Variants in AUTS2 observed in about 807,000 individuals in gnomAD.
The protein encoded by AUTS2 is autism susceptibility gene 2 protein.
In AUTS2, 17 loss-of-function variants were observed where a neutral mutation model predicts 112.4. That is an observed-to-expected ratio of 0.15 (90% CI 0.10 to 0.23). The LOEUF (loss-of-function observed/expected upper bound fraction) is 0.23, where lower values mean the gene tolerates loss of function less well. Among genes scored for constraint, AUTS2 ranks in the 10% least tolerant of loss-of-function variants. The pLI is 1.00. For synonymous variants in AUTS2, 751 were observed against 702.7 expected (o/e 1.07, Z -1.09); for missense variants, 1,510 against 1,701.6 (o/e 0.89, Z 1.98).
chr7:70,094,693 C>T (rs575166673), intron 2 of AUTS2, among the ~76,000 whole-genome samples: 210 of 151,970 alleles, frequency 1.4e-3, no homozygotes, highest in Non-Finnish European at 2.4e-3. Context: ...ATGGCAGTAC[C>T]CCATCCTCAG....
At chr7:70,226,164 T>C (rs1034754514) in intron 4 of AUTS2, among the ~76,000 whole-genome samples, 5 of 152,082 alleles carry the variant, frequency 3.3e-5, no homozygotes, top group African/African-American at 1.2e-4. Context: ...AACGGGGAAC[T>C]GAATCTTGTA....
At chr7:70,218,887 A>G (rs1203014629) in intron 4 of AUTS2, among the ~76,000 whole-genome samples, 1 of 152,166 alleles carries the variant, frequency 6.6e-6, no homozygotes, top group African/African-American at 2.4e-5. Flanking sequence ...GTAATTCATC[A>G]CTATCATATG....
intron 1 of AUTS2, chr7:69,825,884 G>A (rs1791219258): frequency 6.6e-6 from 1 of 152,188 alleles, no homozygotes. Context: ...AGGTAAAGAA[G>A]CAATTAACGT....
At chr7:70,247,720 C>T (rs1054876706) in intron 4 of AUTS2, among the ~76,000 whole-genome samples, 1 of 152,052 alleles carries the variant, frequency 6.6e-6, no homozygotes, top group African/African-American at 2.4e-5. Flanking sequence ...TCATCTTTTC[C>T]AATCTTCATA....
intron 5 of AUTS2, among the ~76,000 whole-genome samples, chr7:70,685,264 G>T (rs1219873886): frequency 6.6e-6 from 1 of 151,930 alleles, no homozygotes. Flanking sequence ...CTTGAGGTCG[G>T]GAGTTCGAGA....
At chr7:70,661,818 C>T (rs781766762) in intron 5 of AUTS2, among the ~76,000 whole-genome samples, 41 of 152,160 alleles carry the variant, frequency 2.7e-4, no homozygotes, top group Non-Finnish European at 4.1e-4. Context: ...CCAGCACTGA[C>T]CTCAGGTTTA....
At chr7:69,936,549 C>T (rs1004727607) in intron 2 of AUTS2, among the ~76,000 whole-genome samples, 5 of 152,130 alleles carry the variant, frequency 3.3e-5, no homozygotes, top group Admixed American at 6.5e-5. Context: ...TGGGGTTTCA[C>T]CCTGTTAGCC....
chr7:70,664,958 A>G (rs1197606913), intron 5 of AUTS2, among the ~76,000 whole-genome samples: 14 of 152,262 alleles, frequency 9.2e-5, no homozygotes, highest in Non-Finnish European at 1.5e-5. Context: ...CTGTAGTCCT[A>G]GCTACTCAGG....
intron 5 of AUTS2, among the ~76,000 whole-genome samples, chr7:70,514,353 C>A (rs115493661): frequency 6.6e-6 from 1 of 152,174 alleles, no homozygotes; most frequent in Non-Finnish European, 1.5e-5. Context: ...GAGGTTTATT[C>A]GGCTTATGGT....
chr7:69,977,103 C>A (rs746203223), intron 2 of AUTS2, among the ~76,000 whole-genome samples: 7 of 152,038 alleles, frequency 4.6e-5, no homozygotes, highest in Non-Finnish European at 7.4e-5. Flanking sequence ...GGTCTTTATC[C>A]ATGTTGAGTT....
chr7:69,916,859 C>T lies in AUTS2; in HGVS notation c.522+17361C>T, dbSNP rs542857165. On this transcript the variant is annotated intron_variant, in intron 2 of 18. Coordinates refer to ENST00000342771, the MANE Select transcript of AUTS2 (RefSeq NM_015570.4). ...CTCATCTGACTTCTCAGCCTCTAATCTTGCCACTGTTAAATTCTGCTCCTC... is the reference window on the plus strand; with the variant it reads ...CTCATCTGACTTCTCAGCCTCTAATTTTGCCACTGTTAAATTCTGCTCCTC... Among the ~76,000 whole-genome samples, 16 of 152,320 alleles carry T rather than the reference C, an allele frequency of 1.1e-4. No individual in the cohort carries two copies. In the South Asian group the frequency reaches 3.3e-3, roughly 32 times the overall value.
At chr7:69,635,347 A>G (rs77641682) in intron 1 of AUTS2, among the ~76,000 whole-genome samples, 184 of 152,344 alleles carry the variant, frequency 1.2e-3, no homozygotes, top group African/African-American at 4.2e-3. Context: ...ACAAAACAAA[A>G]AGCACCTGCC....
At chr7:70,337,302 A>G (rs1235856906) in intron 4 of AUTS2, among the ~76,000 whole-genome samples, 2 of 152,254 alleles carry the variant, frequency 1.3e-5, no homozygotes, top group South Asian at 2.1e-4. Flanking sequence ...AAAATACCAA[A>G]TGATAAAGAG....
intron 4 of AUTS2, among the ~76,000 whole-genome samples, chr7:70,401,966 C>T (rs1794344555): frequency 1.3e-5 from 2 of 152,240 alleles, no homozygotes; most frequent in Admixed American, 1.3e-4. Flanking sequence ...TACACTATTC[C>T]CCCCAGGTTT....
chr7:70,183,749 A>G (rs943246017), intron 4 of AUTS2, among the ~76,000 whole-genome samples: 2 of 152,130 alleles, frequency 1.3e-5, no homozygotes, highest in Non-Finnish European at 2.9e-5. Context: ...TTCACTCTAA[A>G]TAGCCCCCTG....
chr7:70,790,970 A>G lies in AUTS2; in HGVS notation c.3754A>G (p.Thr1252Ala), dbSNP rs138087196. The G allele has an allele frequency of 4.2e-4, 628 of 1,503,840 alleles. 2 individuals carry two copies. In the Middle Eastern group the frequency reaches 7.8e-3, roughly 19 times the overall value. 93.2% of individuals were successfully genotyped at this position (1,503,840 alleles called of 1,614,324 possible). ...GATAAGGGAGAGGCCCCCTTCCCAC[A>G]CGCTGAAGGATATCGAGGCCCGATA... ...AEIRERPPSHTLKDIEAR is the reference protein window; with the variant it reads ...AEIRERPPSHALKDIEAR The change falls in exon 19 of 19, where the codon ACG becomes GCG. Residue 1252 changes from threonine (T) to alanine (A), a missense_variant. Thr to Ala is a moderately conservative substitution (Grantham distance 58). Transcript: ENST00000342771. This position sits in a 1 kb window ranked among gnomAD's most constrained non-coding sequence, Gnocchi z 7.6.
At chr7:70,143,863 T>G (rs780360670) in intron 4 of AUTS2, among the ~76,000 whole-genome samples, 3 of 152,150 alleles carry the variant, frequency 2.0e-5, no homozygotes, top group Non-Finnish European at 4.4e-5. Flanking sequence ...GGCCTCTGAT[T>G]TTAAGGAGCT....
rs187965317 is a variant in AUTS2 at position 70,454,364 on chromosome 7, G to A, written c.690+18583G>A. Among the ~76,000 whole-genome samples the A allele has an allele frequency of 1.4e-3, 220 of 152,062 alleles. 1 individual carries two copies. The highest frequency in any genetic ancestry group is 4.5e-3 in the African/African-American group (188 of 41,482). ...AGCCTGGCCAACATGGTGAAACCCC[G>A]TCTCTACTAAAAATACAAAAAAATT... On this transcript the variant is annotated intron_variant, in intron 5 of 18. Transcript: ENST00000342771.
Position 70,736,820 on chromosome 7 carries a change from T to G in AUTS2, c.743-26050T>G, listed in dbSNP as rs1787805086. 3.3e-5 allele frequency among the ~76,000 whole-genome samples: 5 copies of G among 152,222 alleles called. 1 individual carries two copies. In the South Asian group the frequency reaches 1.0e-3, roughly 32 times the overall value. ...GTATTGTTGCCACAAAGTGCATCTCTGCCTGTTAGAAGGATCCAGACATAG... is the reference window on the plus strand; with the variant it reads ...GTATTGTTGCCACAAAGTGCATCTCGGCCTGTTAGAAGGATCCAGACATAG... On this transcript the variant is annotated intron_variant, in intron 6 of 18. Coordinates refer to ENST00000342771, the MANE Select transcript of AUTS2 (RefSeq NM_015570.4).
Sources: allele counts gnomAD v4.1 joint callset (sites outside exome capture counted in the v4.1 genomes callset), GRCh38; gene constraint gnomAD v4.1.1; non-coding constraint Gnocchi (gnomAD v3.1); transcripts MANE v1.5; gene names NCBI Gene and HGNC (gene_info 2026-07-23, HGNC 2026-07-21).